Variants in KCND2 observed in about 807,000 individuals in gnomAD.
KCND2 encodes potassium voltage-gated channel subfamily D member 2.
A neutral mutation model predicts 54.4 loss-of-function variants in KCND2; 16 were observed. The observed-to-expected ratio is 0.29, with a 90% CI of 0.20 to 0.45. KCND2 has a LOEUF of 0.45. Ranked by LOEUF, KCND2 falls within the 20% of genes least tolerant of loss-of-function variation. KCND2 has a pLI of 1.00. For missense variants in KCND2, 486 were observed against 824.2 expected (o/e 0.59, Z 5.02); for synonymous variants, 317 against 310.7 (o/e 1.02, Z -0.21).
At chr7:120,555,069 TC>T (rs1792147371) in intron 1 of KCND2, among the ~76,000 whole-genome samples, 2 of 152,202 alleles carry the variant, frequency 1.3e-5, no homozygotes, top group South Asian at 4.1e-4. Context: ...ACAATTCTGT[TC>T]TGTTATTACA....
intron 1 of KCND2, among the ~76,000 whole-genome samples, chr7:120,369,185 T>A (rs1385262514): frequency 6.6e-6 from 1 of 151,964 alleles, no homozygotes; most frequent in Non-Finnish European, 1.5e-5. Context: ...CAAATTAATA[T>A]TTTTTAGGAT....
intron 1 of KCND2, among the ~76,000 whole-genome samples, chr7:120,647,113 G>T (rs1793451734): frequency 6.6e-6 from 1 of 152,102 alleles, no homozygotes; most frequent in Non-Finnish European, 1.5e-5. Context: ...TATGGTTTAA[G>T]TTTCTTTGTT....
At chr7:120,278,574 A>G (rs187443324) in intron 1 of KCND2, among the ~76,000 whole-genome samples, 1 of 151,600 alleles carries the variant, frequency 6.6e-6, no homozygotes, top group East Asian at 1.9e-4. Flanking sequence ...CAGGACTGGC[A>G]GAATCATTTG....
intron 1 of KCND2, among the ~76,000 whole-genome samples, chr7:120,579,232 A>G (rs1052152805): frequency 6.6e-6 from 1 of 152,146 alleles, no homozygotes; most frequent in Admixed American, 6.5e-5. Context: ...GCAATAAAAT[A>G]AAAATAAAAG....
At chr7:120,429,762 G>A (rs1563043552) in intron 1 of KCND2, among the ~76,000 whole-genome samples, 1 of 152,148 alleles carries the variant, frequency 6.6e-6, no homozygotes, top group South Asian at 2.1e-4. Context: ...AAATTTAAAT[G>A]TTCAAGTAAA....
chr7:120,670,927 A>G (rs549769403), intron 1 of KCND2, among the ~76,000 whole-genome samples: 75 of 151,836 alleles, frequency 4.9e-4, no homozygotes, highest in African/African-American at 9.2e-4. Flanking sequence ...AAAAAAAAAA[A>G]AAAGAAAGAA....
chr7:120,581,019 A>G (rs565929793), intron 1 of KCND2, among the ~76,000 whole-genome samples: 2 of 152,372 alleles, frequency 1.3e-5, no homozygotes, highest in East Asian at 3.9e-4. Flanking sequence ...ATTGTTTGAG[A>G]TAACTTTCAA....
intron 1 of KCND2, among the ~76,000 whole-genome samples, chr7:120,710,519 T>C (rs1257022231): frequency 6.6e-6 from 1 of 152,142 alleles, no homozygotes; most frequent in Non-Finnish European, 1.5e-5. Context: ...AAGGTCAATA[T>C]CTTCACTGTC....
At chr7:120,375,677 C>A (rs901270000) in intron 1 of KCND2, among the ~76,000 whole-genome samples, 3 of 151,770 alleles carry the variant, frequency 2.0e-5, no homozygotes, top group Non-Finnish European at 4.4e-5. Flanking sequence ...ATGAACCATT[C>A]TCTGGCATTT....
chr7:120,406,742 A>T (rs139862731), intron 1 of KCND2, among the ~76,000 whole-genome samples: 1 of 152,092 alleles, frequency 6.6e-6, no homozygotes, highest in Non-Finnish European at 1.5e-5. Context: ...TCATTCTAGG[A>T]TTAAGAAGTG....
chr7:120,515,367 A>G (rs913089050), intron 1 of KCND2, among the ~76,000 whole-genome samples: 1 of 152,174 alleles, frequency 6.6e-6, no homozygotes, highest in Non-Finnish European at 1.5e-5. Context: ...GCAGAAAAAC[A>G]GAATCCACAC....
intron 1 of KCND2, among the ~76,000 whole-genome samples, chr7:120,626,434 A>G (rs570835601): frequency 6.6e-6 from 1 of 152,168 alleles, no homozygotes; most frequent in Non-Finnish European, 1.5e-5. Context: ...AAAGTGGGAT[A>G]AAAGGGTGAT....
intron 1 of KCND2, among the ~76,000 whole-genome samples, chr7:120,279,830 C>G (rs1034060794): frequency 6.6e-6 from 1 of 151,694 alleles, no homozygotes; most frequent in South Asian, 2.1e-4. Context: ...TATACGATAA[C>G]ATTATGTTAT....
chr7:120,484,960 CA>C (rs756874402), intron 1 of KCND2, among the ~76,000 whole-genome samples: 24 of 152,108 alleles, frequency 1.6e-4, no homozygotes, highest in Non-Finnish European at 2.9e-4. Context: ...GCTAACTCTT[CA>C]CTGCAACCTT....
intron 1 of KCND2, among the ~76,000 whole-genome samples, chr7:120,459,270 G>A (rs182504400): frequency 2.0e-5 from 3 of 152,152 alleles, no homozygotes; most frequent in South Asian, 2.1e-4. Context: ...GCCTTACTGC[G>A]CTTGTTCTTG....
intron 1 of KCND2, among the ~76,000 whole-genome samples, chr7:120,422,703 C>A (rs768495852): frequency 2.0e-5 from 3 of 152,164 alleles, no homozygotes; most frequent in Non-Finnish European, 2.9e-5. Flanking sequence ...TTTCTCTGGG[C>A]TTTCTCACCC....
At chr7:120,339,870 A>C (rs964283117) in intron 1 of KCND2, among the ~76,000 whole-genome samples, 1 of 152,178 alleles carries the variant, frequency 6.6e-6, no homozygotes, top group Non-Finnish European at 1.5e-5. Context: ...GGAATATCTA[A>C]GCAGATATCT....
intron 1 of KCND2, among the ~76,000 whole-genome samples, chr7:120,324,856 TG>T (rs2116336822): frequency 6.8e-6 from 1 of 148,112 alleles, no homozygotes; most frequent in Non-Finnish European, 1.5e-5. Flanking sequence ...GGTAGCTTGA[TG>T]GGGATGGCAT....
intron 1 of KCND2, among the ~76,000 whole-genome samples, chr7:120,527,089 G>A (rs922197535): frequency 5.9e-5 from 9 of 151,930 alleles, no homozygotes; most frequent in South Asian, 2.1e-4. Flanking sequence ...ATGTACTGGC[G>A]GAGGAGTCAC....
Sources: allele counts gnomAD v4.1 joint callset (sites outside exome capture counted in the v4.1 genomes callset), GRCh38; gene constraint gnomAD v4.1.1; transcripts MANE v1.5; gene names NCBI Gene and HGNC (gene_info 2026-07-23, HGNC 2026-07-21).